Variants in PPL observed in about 807,000 individuals in gnomAD.
PPL encodes 190 kDa paraneoplastic pemphigus antigen.
In PPL, 198 loss-of-function variants were observed where a neutral mutation model predicts 194.4. The ratio of observed to expected loss-of-function variants is 1.02; its 90% CI spans 0.91 to 1.15. The LOEUF (loss-of-function observed/expected upper bound fraction) is 1.15, where lower values mean the gene tolerates loss of function less well. Among genes scored for constraint, PPL ranks in the 50% most tolerant of loss-of-function variants. The pLI, the probability that PPL is intolerant of heterozygous loss-of-function variation, is 0.00. For synonymous variants in PPL, 1,220 were observed against 972.4 expected (o/e 1.25, Z -4.74); for missense variants, 2,885 against 2,294.8 (o/e 1.26, Z -5.25).
At chr16:4,903,395 T>C (rs918497553) in intron 3 of PPL, among the ~76,000 whole-genome samples, 2 of 151,992 alleles carry the variant, frequency 1.3e-5, no homozygotes, top group African/African-American at 2.4e-5. Flanking sequence ...AACTGCAAAA[T>C]AGGGTCATCA....
chr16:4,911,414 G>A (rs1288259464), intron 1 of PPL, among the ~76,000 whole-genome samples: 2 of 151,960 alleles, frequency 1.3e-5, no homozygotes, highest in Admixed American at 6.6e-5. Flanking sequence ...CACCTATCTT[G>A]GCCTCCCAAA....
At chr16:4,936,949 A>G in intron 1 of PPL, 35 bp downstream of exon 1, 1 of 1,572,984 alleles carries the variant, frequency 6.4e-7, no homozygotes. Flanking sequence ...CAGGGGCAAG[A>G]GCGTCCCGGA....
intron 9 of PPL, among the ~76,000 whole-genome samples, chr16:4,896,888 G>A (rs2142354142): frequency 1.3e-5 from 2 of 151,932 alleles, no homozygotes; most frequent in East Asian, 3.9e-4. Context: ...AGTCGCCTCG[G>A]CTTCCCAGAG....
intron 4 of PPL, among the ~76,000 whole-genome samples, chr16:4,901,682 T>A (rs960140697): frequency 2.7e-5 from 4 of 146,498 alleles, no homozygotes; most frequent in African/African-American, 1.0e-4. Flanking sequence ...GAGTGAGACC[T>A]TGTGTCAAAA....
chr16:4,893,855 A>T, intron 12 of PPL: 1 of 571,076 alleles, frequency 1.8e-6, no homozygotes, highest in South Asian at 2.2e-5. Context: ...AAGTCTCACT[A>T]CCTAAAATTG....
At chr16:4,904,825 G>A (rs2088651256) in intron 2 of PPL, among the ~76,000 whole-genome samples, 1 of 152,148 alleles carries the variant, frequency 6.6e-6, no homozygotes, top group African/African-American at 2.4e-5. Flanking sequence ...GGCAGGCAGT[G>A]GTCTGTGGCA....
At chr16:4,935,230 C>G (rs2089281329) in intron 1 of PPL, among the ~76,000 whole-genome samples, 1 of 152,150 alleles carries the variant, frequency 6.6e-6, no homozygotes, top group Non-Finnish European at 1.5e-5. Context: ...CCCCTCCCAG[C>G]TTGTCTGGGT....
chr16:4,902,668 T>C lies in PPL; in HGVS notation c.318-142A>G. On this transcript the variant is annotated intron_variant, in intron 3 of 21. Transcript: ENST00000345988. The surrounding 1 kb of genome is among the most constrained non-coding windows in gnomAD (Gnocchi z 4.0). ...CCTTGGGTTCCAGACAATCACAGCA[T>C]CCTCTCACCCCTCCTCCCATGCACT... 1 of 869,836 alleles carries C rather than the reference T, an allele frequency of 1.1e-6. No homozygotes were observed. Among genetic ancestry groups the C allele is most frequent in the African/African-American group, 1.8e-5 (1 of 56,302 alleles). The allele number at this position is 869,836 out of a possible 1,614,324, so 53.9% of individuals were successfully genotyped here. A position where few individuals can be genotyped will look rare whatever the true frequency, so the allele number is the denominator to read the frequency against.
rs764389536 is a variant in PPL, at chr16:4,885,958, C to T, written c.2697G>A (p.Leu899=). 1.2e-6 allele frequency: 2 copies of T among 1,613,574 alleles called. No individual in the cohort carries two copies. Among genetic ancestry groups the T allele is most frequent in the African/African-American group, 1.3e-5 (1 of 74,908 alleles). Residue 899 remains leucine (L), a synonymous_variant, in exon 22 of 22, where the codon CTG becomes CTA. Coordinates refer to ENST00000345988, the MANE Select transcript of PPL (RefSeq NM_002705.5). The surrounding 1 kb of genome is among the most constrained non-coding windows in gnomAD (Gnocchi z 6.3). ...VEEAWKIRKE[L]DEETERRRQL... is the part of the protein sequence containing the mutation. The stretch of plus-strand genomic sequence containing the variant: ...GCCGCCTCCGCTCAGTCTCCTCATC[C>T]AGTTCCTTCCTGATCTTCCACGCCT...
chr16:4,920,371 GGACACCTCGGTCAAATTTC>G (rs2089026190), intron 1 of PPL, among the ~76,000 whole-genome samples: 1 of 94,230 alleles, frequency 1.1e-5, no homozygotes, highest in African/African-American at 3.2e-5. Context: ...AAGAAAGAAA[GGACACCTCGGTCAAATTTC>G]AAAGACACCT....
At chr16:4,890,056 GGACACAGCTGTGGCAGGCCTCT>G in intron 18 of PPL, 106 bp downstream of exon 18, 1 of 1,362,202 alleles carries the variant, frequency 7.3e-7, no homozygotes. Context: ...GGCCCAGGGA[GGACACAGCTGTGGCAGGCCTCT>G]GCCCTGCTCC....
chr16:4,894,765 G>C, intron 11 of PPL, 147 bp from the exon 12 acceptor site: 1 of 912,648 alleles, frequency 1.1e-6, no homozygotes, highest in East Asian at 2.7e-5. Context: ...GGGCATGCAG[G>C]AGAAGCACAT....
At chr16:4,909,184 C>G (rs1170519282) in intron 2 of PPL, among the ~76,000 whole-genome samples, 2 of 152,098 alleles carry the variant, frequency 1.3e-5, no homozygotes, top group African/African-American at 4.8e-5. Context: ...TGGCAGAGAA[C>G]AGAGTCTCCA....
intron 1 of PPL, among the ~76,000 whole-genome samples, chr16:4,912,416 G>A (rs972065240): frequency 2.0e-5 from 3 of 152,194 alleles, no homozygotes; most frequent in Non-Finnish European, 2.9e-5. Context: ...ATTCCATCAC[G>A]TGGCTACTTC....
intron 3 of PPL, 66 bp downstream of exon 3, chr16:4,903,820 A>G (rs764313626): frequency 2.5e-6 from 4 of 1,584,024 alleles, no homozygotes; most frequent in Non-Finnish European, 3.4e-6. Flanking sequence ...AATGCTGAAC[A>G]GGACCCCCCG....
chr16:4,903,852 G>A (rs1465659917), intron 3 of PPL, 34 bp downstream of exon 3: 1 of 1,610,418 alleles, frequency 6.2e-7, no homozygotes, highest in Non-Finnish European at 8.5e-7. Flanking sequence ...AGCCCCCAAT[G>A]GCTCCCCTGG....
At position 4,902,404 on chromosome 16, in the gene PPL, A is replaced by G. The variant is rs2088592113; in HGVS notation, c.438+2T>C. 1.9e-6 allele frequency: 3 copies of G among 1,613,806 alleles called. No individual in the cohort carries two copies. In the East Asian group the frequency reaches 6.7e-5, roughly 36 times the overall value. ...GAGCCAGCGGCCCCGTCCAGGCCAT[A>G]CCAGCTTCTCCTCCACCAGTGCCGC... is the stretch of plus-strand genomic sequence containing the variant. On this transcript the variant is annotated splice_donor_variant, in intron 4 of 21. Coordinates refer to ENST00000345988, the MANE Select transcript of PPL (RefSeq NM_002705.5). LOFTEE classifies it high-confidence loss of function. This position sits in a 1 kb window ranked among gnomAD's most constrained non-coding sequence, Gnocchi z 4.0.
chr16:4,920,811 C>G (rs1464754291), intron 1 of PPL, among the ~76,000 whole-genome samples: 2 of 152,132 alleles, frequency 1.3e-5, no homozygotes, highest in Admixed American at 6.5e-5. Flanking sequence ...CTCTGTTGCC[C>G]AGGCTGGTCT....
chr16:4,888,007 A>C, intron 20 of PPL, 95 bp downstream of exon 20: 1 of 858,994 alleles, frequency 1.2e-6, no homozygotes, highest in East Asian at 2.4e-5. Context: ...TTGTGTGTGC[A>C]TCTCTGAGGC....
Sources: allele counts gnomAD v4.1 joint callset (sites outside exome capture counted in the v4.1 genomes callset), GRCh38; gene constraint gnomAD v4.1.1; non-coding constraint Gnocchi (gnomAD v3.1); transcripts MANE v1.5; gene names NCBI Gene and HGNC (gene_info 2026-07-23, HGNC 2026-07-21).